ARAP3: variants seen among roughly 807,000 people sequenced by gnomAD.
The protein encoded by ARAP3 is ArfGAP with RhoGAP domain, ankyrin repeat and PH domain 3.
In ARAP3, 82 loss-of-function variants were observed where a neutral mutation model predicts 169.2. That is an observed-to-expected ratio of 0.48 (90% CI 0.41 to 0.58). ARAP3 has a LOEUF of 0.58. Ranked by LOEUF, ARAP3 falls within the 20% of genes least tolerant of loss-of-function variation. The pLI is 0.00. For synonymous variants in ARAP3, 791 were observed against 800.3 expected (o/e 0.99, Z 0.20); for missense variants, 1,764 against 2,018.0 (o/e 0.87, Z 2.41).
Position 141,655,361 on chromosome 5 carries a change from C to G in ARAP3, c.4149+1G>C, listed in dbSNP as rs557663444. 4.3e-5 allele frequency: 68 copies of G among 1,579,384 alleles called. No homozygotes were observed. Among genetic ancestry groups the G allele is most frequent in the Non-Finnish European group, 4.3e-5 (50 of 1,162,334 alleles). On this transcript the variant is annotated splice_donor_variant, in intron 32 of 32. Transcript: ENST00000239440. LOFTEE classifies it high-confidence loss of function. ...ACCGCTGGAGCAGGCACAATACTCACAAAGAACATGGACAGGGTCCTCCGG... is the reference window on the plus strand; with the variant it reads ...ACCGCTGGAGCAGGCACAATACTCAGAAAGAACATGGACAGGGTCCTCCGG...
intron 25 of ARAP3, 117 bp from the exon 26 acceptor site, chr5:141,656,963 C>T: frequency 7.2e-7 from 1 of 1,379,768 alleles, no homozygotes; most frequent in Non-Finnish European, 9.7e-7. Context: ...TTATTTTTCA[C>T]TGTCTCTATG....
In ARAP3 at chr5:141,661,714, G is replaced by A. The variant is rs1195871273; in HGVS notation, c.3089C>T (p.Thr1030Ile). ...IGCLPRVNRR[T>I]LATLIGHLYR... ...GAGATGCCCAATGAGGGTGGCCAGT[G>A]TGCGGCGGTTGACCCGCGGCAGGCA... The change falls in exon 21 of 33, where the codon ACA (threonine) becomes ATA (isoleucine). Residue 1030 changes from threonine (T) to isoleucine (I), a missense_variant. Thr to Ile is a moderately conservative substitution (Grantham distance 89). Transcript: ENST00000239440. The A allele has an allele frequency of 3.1e-6, 5 of 1,614,140 alleles. No individual in the cohort carries two copies. The highest frequency in any genetic ancestry group is 4.2e-6 in the Non-Finnish European group (5 of 1,180,058).
At chr5:141,660,285 G>A (rs983087048) in intron 21 of ARAP3, among the ~76,000 whole-genome samples, 15 of 152,074 alleles carry the variant, frequency 9.9e-5, no homozygotes, top group African/African-American at 3.6e-4. Flanking sequence ...GAGGTCAGGA[G>A]ATCGAGACCA....
At chr5:141,657,904 G>A (rs765356506) in intron 25 of ARAP3, among the ~76,000 whole-genome samples, 2 of 152,178 alleles carry the variant, frequency 1.3e-5, no homozygotes, top group Non-Finnish European at 2.9e-5. Flanking sequence ...CTTGTCAGAA[G>A]TGGAGGTGTT....
chr5:141,654,132 G>A lies in ARAP3; in HGVS notation c.4453C>T (p.Leu1485=). The A allele has an allele frequency of 6.2e-7, 1 of 1,612,920 alleles. No homozygotes were observed. The highest frequency in any genetic ancestry group is 8.5e-7 in the Non-Finnish European group (1 of 1,179,266). Residue 1485 remains leucine, a synonymous_variant, in exon 33 of 33, where the codon CTG becomes TTG. Coordinates refer to ENST00000239440, the MANE Select transcript of ARAP3 (RefSeq NM_022481.6). ...PQARGSLEEQ[L]LQELSSLILR... ...ATGAGGCTGCTGAGCTCCTGGAGCA[G>A]CTGTTCCTCTAGGGACCCCCGTGCC...
chr5:141,662,619 T>G (rs769156918), intron 19 of ARAP3, among the ~76,000 whole-genome samples: 2 of 152,220 alleles, frequency 1.3e-5, no homozygotes, highest in Non-Finnish European at 2.9e-5. Context: ...TCAATACTTT[T>G]GGCATTTTCA....
At chr5:141,666,680 G>T in intron 16 of ARAP3, 37 bp from the exon 17 acceptor site, 1 of 1,143,168 alleles carries the variant, frequency 8.7e-7, no homozygotes, top group Non-Finnish European at 1.2e-6. Context: ...AAAGGGGGAT[G>T]GGGGAAGAGA....
Position 141,655,225 on chromosome 5 carries a change from T to TACACACACACACACACACAC in ARAP3, c.4149+117_4149+136dup, listed in dbSNP as rs148481472. ...CACACACACACACACCCTGATGGCC[T>TACACACACACACACACACAC]ACACACACACACACACACACACACA... is the stretch of plus-strand genomic sequence containing the variant. On this transcript the variant is annotated intron_variant, in intron 32 of 32. Coordinates refer to ENST00000239440, the MANE Select transcript of ARAP3 (RefSeq NM_022481.6). 60 of 491,164 alleles carry TACACACACACACACACACAC rather than the reference T, an allele frequency of 1.2e-4. 1 individual carries two copies. The highest frequency in any genetic ancestry group is 1.1e-3 in the African/African-American group (38 of 33,092). 30.4% of individuals were successfully genotyped at this position (491,164 alleles called of 1,614,324 possible).
chr5:141,673,013 C>T lies in ARAP3; in HGVS notation c.1093G>A (p.Ala365Thr). 1 of 1,614,170 alleles carries T rather than the reference C, an allele frequency of 6.2e-7. No individual in the cohort carries two copies. Among genetic ancestry groups the T allele is most frequent in the Non-Finnish European group, 8.5e-7 (1 of 1,180,022 alleles). Residue 365 changes from alanine (A) to threonine (T), a missense_variant and splice_region_variant, in exon 7 of 33, where the codon GCT becomes ACT. Transcript: ENST00000239440. ...TGACTCAGGGGGCTGTGGCCCTCAC[C>T]CTCGCTCTCTGTGCGGAACACGAAC... ...RVFVFRTESE[A>T]QRDMWCSTLQ...
rs780642227 is a variant in ARAP3 at position 141,672,883 on chromosome 5, T to C, written c.1136A>G (p.Lys379Arg). ...MWCSTLQSCL[K>R]EQRLLGHPRP... ...GGGGTGGCCCAGGAGGCGCTGCTCCTTCAGACAGGACTGCAGCGTGGAGCA... is the reference window on the plus strand; with the variant it reads ...GGGGTGGCCCAGGAGGCGCTGCTCCCTCAGACAGGACTGCAGCGTGGAGCA... Residue 379 changes from lysine to arginine, a missense_variant, in exon 8 of 33, where the codon AAG becomes AGG. By Grantham distance (26) the Lys-to-Arg change is conservative. Transcript: ENST00000239440. This position sits in a 1 kb window ranked among gnomAD's most constrained non-coding sequence, Gnocchi z 4.9. 2.1e-5 allele frequency: 33 copies of C among 1,607,942 alleles called. No individual in the cohort carries two copies. The highest frequency in any genetic ancestry group is 2.6e-5 in the Non-Finnish European group (31 of 1,177,168).
Position 141,656,933 on chromosome 5 carries a change from A to G in ARAP3, c.3527-87T>C, listed in dbSNP as rs1191165925. The G allele has an allele frequency of 6.1e-6, 9 of 1,485,690 alleles. No individual in the cohort carries two copies. The Admixed American group carries it at 1.8e-4, about 29-fold the overall frequency. 92.0% of individuals were successfully genotyped at this position (1,485,690 alleles called of 1,614,324 possible). Reference sequence around the variant, plus strand: ...TCACCAGTCATTCATTCATCCATTCAACTATCCAACCACAGACATTTATTT... The same window carrying G: ...TCACCAGTCATTCATTCATCCATTCGACTATCCAACCACAGACATTTATTT... On this transcript the variant is annotated intron_variant, in intron 25 of 32. Transcript: ENST00000239440.
chr5:141,657,194 T>A (rs1356578768), intron 25 of ARAP3, among the ~76,000 whole-genome samples: 1 of 152,146 alleles, frequency 6.6e-6, no homozygotes, highest in Non-Finnish European at 1.5e-5. Flanking sequence ...GACTCAGAGA[T>A]CTGAAGGATT....
At chr5:141,664,320 G>T (rs1335785913) in intron 19 of ARAP3, among the ~76,000 whole-genome samples, 1 of 152,112 alleles carries the variant, frequency 6.6e-6, no homozygotes, top group Non-Finnish European at 1.5e-5. Context: ...AGAAGCGGAG[G>T]TTGCAGTGAG....
In ARAP3 at chr5:141,656,631, C is replaced by T. The variant is rs769844898; in HGVS notation, c.3662G>A (p.Arg1221Gln). The change falls in exon 27 of 33, where the codon CGA becomes CAA. Residue 1221 changes from arginine (R) to glutamine (Q), a missense_variant. By Grantham distance (43) the Arg-to-Gln change is conservative (BLOSUM62 1). This residue lies in a region of ARAP3 where 1,112 missense variants were observed against 1,285.7 expected (regional missense o/e 0.86). Coordinates refer to ENST00000239440, the MANE Select transcript of ARAP3 (RefSeq NM_022481.6). ...CAGCCCCACCCGTGGGCTCTCACGTCGGATACCTGGGCATAGATGGGCAAT... is the reference window on the plus strand; with the variant it reads ...CAGCCCCACCCGTGGGCTCTCACGTTGGATACCTGGGCATAGATGGGCAAT... ...AQAGCLFTGI[R>Q]RESPRVGLLR... The T allele has an allele frequency of 9.9e-6, 16 of 1,613,410 alleles. No homozygotes were observed. The highest frequency in any genetic ancestry group is 1.2e-5 in the Non-Finnish European group (14 of 1,179,786).
intron 1 of ARAP3, 78 bp from the exon 2 acceptor site, chr5:141,680,581 G>GAC: frequency 6.9e-7 from 1 of 1,451,946 alleles, no homozygotes; most frequent in East Asian, 2.4e-5. Flanking sequence ...GGCCTGGACA[G>GAC]TGAGCACCAG....
At chr5:141,669,089 A>G (rs1160963815) in intron 16 of ARAP3, among the ~76,000 whole-genome samples, 1 of 152,102 alleles carries the variant, frequency 6.6e-6, no homozygotes, top group East Asian at 1.9e-4. Context: ...TGGGCCTCAC[A>G]TGTCATTTAA....
At position 141,682,179 on chromosome 5, in the gene ARAP3, A is replaced by ACGCGGCCGCCGTCCGCT. The variant is rs2099913116; in HGVS notation, c.-41_-25dup. ...GGGGCGCGGGGGTCCTCACCTCACT[A>ACGCGGCCGCCGTCCGCT]CGCGGCCGCCGTCCGCTCGCGGGTG... On this transcript the variant is annotated 5_prime_UTR_variant, in exon 1 of 33. Coordinates refer to ENST00000239440, the MANE Select transcript of ARAP3 (RefSeq NM_022481.6). 6.6e-6 allele frequency: 1 copy of ACGCGGCCGCCGTCCGCT among 152,142 alleles called. No homozygotes were observed. The highest frequency in any genetic ancestry group is 2.4e-5 in the African/African-American group (1 of 41,396). The allele number at this position is 152,142 out of a possible 1,614,324, so 9.4% of individuals were successfully genotyped here.
chr5:141,681,072 T>C (rs1176577088), intron 1 of ARAP3, among the ~76,000 whole-genome samples: 1 of 152,080 alleles, frequency 6.6e-6, no homozygotes, highest in African/African-American at 2.4e-5. Context: ...TTCCACCTAT[T>C]GTCTCTGCTC....
chr5:141,667,374 G>T (rs1352538771), intron 16 of ARAP3, among the ~76,000 whole-genome samples: 4 of 151,470 alleles, frequency 2.6e-5, no homozygotes, highest in African/African-American at 9.7e-5. Context: ...AAGGACCAGG[G>T]TTTTTTCCTT....
Sources: allele counts gnomAD v4.1 joint callset (sites outside exome capture counted in the v4.1 genomes callset), GRCh38; gene constraint gnomAD v4.1.1; regional missense constraint gnomAD v4.1.1; non-coding constraint Gnocchi (gnomAD v3.1); transcripts MANE v1.5; gene names NCBI Gene and HGNC (gene_info 2026-07-23, HGNC 2026-07-21).